NFATC3: variants seen among roughly 807,000 people sequenced by gnomAD.
The protein encoded by NFATC3 is nuclear factor of activated T-cells, cytoplasmic 3.
In NFATC3, 46 loss-of-function variants were observed where a neutral mutation model predicts 98.6. That is an observed-to-expected ratio of 0.47 (90% CI 0.37 to 0.60). The LOEUF is 0.60. Ranked by LOEUF, NFATC3 falls within the 20% of genes least tolerant of loss-of-function variation. The probability of loss-of-function intolerance (pLI) is 0.00; values close to 1 mark genes in which losing one functional copy is unlikely to be tolerated. For synonymous variants in NFATC3, 512 were observed against 472.2 expected (o/e 1.08, Z -1.09); for missense variants, 1,256 against 1,295.5 (o/e 0.97, Z 0.47).
At chr16:68,172,485 G>C (rs1394544156) in intron 5 of NFATC3, among the ~76,000 whole-genome samples, 1 of 152,164 alleles carries the variant, frequency 6.6e-6, no homozygotes, top group Non-Finnish European at 1.5e-5. Context: ...TTAGAGGTCA[G>C]GTATGCCGAC....
chr16:68,201,957 CAAAAAAAAA>C (rs778770193), intron 9 of NFATC3, among the ~76,000 whole-genome samples: 4 of 23,638 alleles, frequency 1.7e-4, no homozygotes, highest in Non-Finnish European at 3.0e-4. Context: ...GACTCCATCT[CAAAAAAAAA>C]AAAAAAAAAA....
chr16:68,096,912 A>G (rs1567494504), intron 1 of NFATC3, among the ~76,000 whole-genome samples: 1 of 152,230 alleles, frequency 6.6e-6, no homozygotes, highest in Non-Finnish European at 1.5e-5. Context: ...AAGGATTTCA[A>G]ATTGGGCAGA....
chr16:68,207,550 G>A (rs1484082371), intron 9 of NFATC3, among the ~76,000 whole-genome samples: 1 of 152,138 alleles, frequency 6.6e-6, no homozygotes, highest in Non-Finnish European at 1.5e-5. Flanking sequence ...TGAAGTCTCT[G>A]CCTCCTGGGT....
At chr16:68,165,396 T>C (rs1340614600) in intron 4 of NFATC3, among the ~76,000 whole-genome samples, 9 of 146,048 alleles carry the variant, frequency 6.2e-5, no homozygotes, top group East Asian at 2.0e-4. Flanking sequence ...CTTTTTCTTT[T>C]TTTTTTTTTT....
chr16:68,127,840 C>T (rs536039515), intron 3 of NFATC3, among the ~76,000 whole-genome samples: 6 of 152,214 alleles, frequency 3.9e-5, no homozygotes, highest in African/African-American at 1.2e-4. Flanking sequence ...TCTTAAACTT[C>T]CTTCCCCTTT....
intron 3 of NFATC3, among the ~76,000 whole-genome samples, chr16:68,150,772 G>C (rs904010792): frequency 2.0e-5 from 3 of 152,180 alleles, no homozygotes; most frequent in Non-Finnish European, 4.4e-5. Context: ...AGGCCAGATG[G>C]GGGTAATTGA....
chr16:68,224,943 T>G (rs2041992618), intron 9 of NFATC3: 1 of 152,118 alleles, frequency 6.6e-6, no homozygotes, highest in South Asian at 2.1e-4. Flanking sequence ...TCTATTTTTA[T>G]ATTGATTGAT....
chr16:68,101,151 C>CT lies in NFATC3; in HGVS notation c.103+15375dup, dbSNP rs149826433. Reference sequence around the variant, plus strand: ...TTTCTCCTCGGTTTTCTTTTCTTTTCTTTTTTTTGAGACACAGTCTTGCTC... The same window carrying CT: ...TTTCTCCTCGGTTTTCTTTTCTTTTCTTTTTTTTTGAGACACAGTCTTGCTC... On this transcript the variant is annotated intron_variant, in intron 1 of 9. Coordinates refer to ENST00000346183, the MANE Select transcript of NFATC3 (RefSeq NM_173165.3). 2.7e-4 allele frequency among the ~76,000 whole-genome samples: 41 copies of CT among 151,644 alleles called. No individual in the cohort carries two copies. The East Asian group carries it at 4.8e-3, about 18-fold the overall frequency.
intron 4 of NFATC3, among the ~76,000 whole-genome samples, chr16:68,161,081 T>C (rs1227813578): frequency 6.6e-6 from 1 of 152,230 alleles, no homozygotes; most frequent in African/African-American, 2.4e-5. Flanking sequence ...AGGAAAAATA[T>C]TGACACCAGG....
intron 9 of NFATC3, among the ~76,000 whole-genome samples, chr16:68,218,288 A>ATTCAGGCCAGGCATGGTGGC (rs1420212121): frequency 6.6e-6 from 1 of 151,858 alleles, no homozygotes; most frequent in Non-Finnish European, 1.5e-5. Flanking sequence ...AAATAGGTGA[A>ATTCAGGCCAGGCATGGTGGC]TTCAGGCCAG....
At chr16:68,091,151 G>A (rs1295646858) in intron 1 of NFATC3, among the ~76,000 whole-genome samples, 1 of 152,058 alleles carries the variant, frequency 6.6e-6, no homozygotes, top group African/African-American at 2.4e-5. Flanking sequence ...GGATACTTTG[G>A]CATATATTCT....
intron 8 of NFATC3, among the ~76,000 whole-genome samples, chr16:68,185,626 G>A (rs1567539157): frequency 6.6e-6 from 1 of 151,874 alleles, no homozygotes; most frequent in South Asian, 2.1e-4. Context: ...CTGTGGCCCC[G>A]CTACTTTGGG....
chr16:68,218,514 C>CAAA (rs1326968858), intron 9 of NFATC3, among the ~76,000 whole-genome samples: 3 of 59,422 alleles, frequency 5.0e-5, no homozygotes, highest in African/African-American at 1.2e-4. Flanking sequence ...GAGAGCCTCT[C>CAAA]AAAAAAAAAA....
At chr16:68,106,721 C>T (rs969786659) in intron 1 of NFATC3, among the ~76,000 whole-genome samples, 14 of 151,682 alleles carry the variant, frequency 9.2e-5, no homozygotes, top group Admixed American at 7.9e-4. Context: ...CCACCGTACC[C>T]GGACGCCTTT....
intron 9 of NFATC3, among the ~76,000 whole-genome samples, chr16:68,212,821 A>C (rs1598611914): frequency 2.6e-5 from 3 of 114,344 alleles, no homozygotes; most frequent in Admixed American, 1.3e-4. Context: ...ATGGAGTCTC[A>C]CTCTGTTGCC....
intron 9 of NFATC3, chr16:68,200,730 T>G (rs2151134066): frequency 6.6e-6 from 1 of 152,326 alleles, no homozygotes; most frequent in South Asian, 2.1e-4. Context: ...CCTCCATATA[T>G]CATTGCACCT....
intron 1 of NFATC3, among the ~76,000 whole-genome samples, chr16:68,093,365 T>C (rs1812601306): frequency 1.3e-5 from 2 of 152,204 alleles, no homozygotes; most frequent in African/African-American, 2.4e-5. Context: ...GGAGAGGAAA[T>C]TGAGACTCAA....
chr16:68,209,730 C>CA (rs1281861210), intron 9 of NFATC3: 1 of 474,868 alleles, frequency 2.1e-6, no homozygotes, highest in African/African-American at 2.0e-5. Flanking sequence ...GTAAAATTGA[C>CA]AGAGAGGGGA....
At chr16:68,217,621 A>G in intron 9 of NFATC3, 1 of 1,229,592 alleles carries the variant, frequency 8.1e-7, no homozygotes, top group East Asian at 3.2e-5. Flanking sequence ...GAGATCCCAG[A>G]GACATTTCCA....
Sources: gnomAD v4.1 joint callset for allele counts (sites outside exome capture counted in the v4.1 genomes callset) on GRCh38, gnomAD v4.1.1 for gene constraint, MANE v1.5 for transcripts, NCBI Gene and HGNC (gene_info 2026-07-23, HGNC 2026-07-21) for gene names.